NR5A2: variants seen among roughly 807,000 people sequenced by gnomAD.
The protein encoded by NR5A2 is CYP7A promoter-binding factor.
Under a neutral mutation model 62.7 loss-of-function variants are expected in NR5A2, and 26 were observed. That is an observed-to-expected ratio of 0.41 (90% CI 0.30 to 0.58). The LOEUF is 0.58. Among genes scored for constraint, NR5A2 ranks in the 20% least tolerant of loss-of-function variants. The probability of loss-of-function intolerance (pLI) is 0.22; values close to 1 mark genes in which losing one functional copy is unlikely to be tolerated. For synonymous variants in NR5A2, 246 were observed against 241.7 expected (o/e 1.02, Z -0.16); for missense variants, 541 against 669.1 (o/e 0.81, Z 2.11).
At position 200,038,664 on chromosome 1, in the gene NR5A2, A is replaced by AC. The variant is rs1286694063; in HGVS notation, c.65-991dup. The AC allele has an allele frequency of 2.2e-6, 3 of 1,344,156 alleles. 1 individual carries two copies. Among genetic ancestry groups the AC allele is most frequent in the Non-Finnish European group, 3.0e-6 (3 of 1,002,058 alleles). 83.3% of individuals were successfully genotyped at this position (1,344,156 alleles called of 1,614,324 possible). ...GACACACTAGCAAGGGCACACGCCCACCCGCGCCCCCATCCCTTCTTCTTG... is the reference window on the plus strand; with the variant it reads ...GACACACTAGCAAGGGCACACGCCCACCCCGCGCCCCCATCCCTTCTTCTTG... On this transcript the variant is annotated intron_variant, in intron 1 of 7. Transcript: ENST00000367362.
chr1:200,089,476 C>A (rs554751397), intron 5 of NR5A2, among the ~76,000 whole-genome samples: 4 of 149,210 alleles, frequency 2.7e-5, no homozygotes, highest in Non-Finnish European at 5.9e-5. Context: ...GTACAACTTT[C>A]TTTCTTTCTT....
chr1:200,079,464 G>A (rs945931078), intron 5 of NR5A2, among the ~76,000 whole-genome samples: 3 of 152,244 alleles, frequency 2.0e-5, no homozygotes, highest in Admixed American at 1.3e-4. Context: ...TGAAGGACAA[G>A]GGGAAACAGG....
In NR5A2 at chr1:200,115,301, A is replaced by AT. The variant is rs1211881657; in HGVS notation, c.1230+3985dup. ...TGTATCTTAAAAGAGGATTTTTCTC[A>AT]TTTTTCTAAATAAAATAACTCGCCT... On this transcript the variant is annotated intron_variant, in intron 6 of 7. Coordinates refer to ENST00000367362, the MANE Select transcript of NR5A2 (RefSeq NM_205860.3). Among the ~76,000 whole-genome samples, 4 of 152,214 alleles carry AT rather than the reference A, an allele frequency of 2.6e-5. No homozygotes were observed. The East Asian group carries it at 7.7e-4, about 29-fold the overall frequency.
At chr1:200,098,323 T>A (rs1400169820) in intron 5 of NR5A2, among the ~76,000 whole-genome samples, 2 of 152,176 alleles carry the variant, frequency 1.3e-5, no homozygotes, top group East Asian at 3.8e-4. Flanking sequence ...GTTCTATCAT[T>A]TGGTATCTAT....
chr1:200,105,215 C>T lies in NR5A2; in HGVS notation c.1111-5987C>T, dbSNP rs192914560. Among the ~76,000 whole-genome samples, 30 of 152,222 alleles carry T rather than the reference C, an allele frequency of 2.0e-4. No individual in the cohort carries two copies. In the East Asian group the frequency reaches 5.6e-3, roughly 28 times the overall value. On this transcript the variant is annotated intron_variant, in intron 5 of 7. Transcript: ENST00000367362. ...ATGCAAGTGATCCTCCTATCTCAGCCTCCCAAATTGTTGGGATTACAGGCA... is the reference window on the plus strand; with the variant it reads ...ATGCAAGTGATCCTCCTATCTCAGCTTCCCAAATTGTTGGGATTACAGGCA...
chr1:200,043,659 T>C lies in NR5A2; in HGVS notation c.203-115T>C, dbSNP rs1439154306. 3 of 600,158 alleles carry C rather than the reference T, an allele frequency of 5.0e-6. No individual in the cohort carries two copies. In the African/African-American group the frequency reaches 5.6e-5, roughly 11 times the overall value. The allele number at this position is 600,158 out of a possible 1,614,324, so 37.2% of individuals were successfully genotyped here. On this transcript the variant is annotated intron_variant, in intron 2 of 7. Coordinates refer to ENST00000367362, the MANE Select transcript of NR5A2 (RefSeq NM_205860.3). ...GACCTTGCTAAAAATTGTTTTTATTTTATATTTTACCATGTGATATTTGCC... is the reference window on the plus strand; with the variant it reads ...GACCTTGCTAAAAATTGTTTTTATTCTATATTTTACCATGTGATATTTGCC...
chr1:200,124,081 G>A (rs1666597988), intron 7 of NR5A2, among the ~76,000 whole-genome samples: 1 of 152,102 alleles, frequency 6.6e-6, no homozygotes, highest in Non-Finnish European at 1.5e-5. Context: ...TGGGATTACA[G>A]GTGTGAGCCA....
Position 200,048,038 on chromosome 1 carries a change from G to T in NR5A2, c.464-134G>T. ...GGACATGGTTTTTTGGGAAATCTTT[G>T]TGGGCTATTGTAACGAAAACAACCA... On this transcript the variant is annotated intron_variant, in intron 4 of 7. Transcript: ENST00000367362. The surrounding 1 kb of genome is among the most constrained non-coding windows in gnomAD (Gnocchi z 4.8). 1.3e-6 allele frequency: 1 copy of T among 756,812 alleles called. No homozygotes were observed. Among genetic ancestry groups the T allele is most frequent in the Non-Finnish European group, 2.1e-6 (1 of 480,090 alleles). The allele number at this position is 756,812 out of a possible 1,614,324, so 46.9% of individuals were successfully genotyped here.
intron 4 of NR5A2, among the ~76,000 whole-genome samples, chr1:200,046,912 G>T (rs1023453243): frequency 2.6e-5 from 4 of 151,852 alleles, no homozygotes; most frequent in African/African-American, 4.8e-5. Context: ...AATCACTTGT[G>T]GTACATGCTC....
intron 5 of NR5A2, among the ~76,000 whole-genome samples, chr1:200,109,919 G>A (rs182624297): frequency 1.3e-5 from 2 of 152,072 alleles, no homozygotes; most frequent in African/African-American, 4.8e-5. Flanking sequence ...TGTGCACAAC[G>A]ATGCCCAGCT....
chr1:200,055,477 C>T (rs1326704065), intron 5 of NR5A2, among the ~76,000 whole-genome samples: 1 of 152,108 alleles, frequency 6.6e-6, no homozygotes, highest in Non-Finnish European at 1.5e-5. Flanking sequence ...GCGTGAACCA[C>T]TGTGCCCAGC....
At chr1:200,125,068 C>G (rs1036410648) in intron 7 of NR5A2, among the ~76,000 whole-genome samples, 1 of 152,126 alleles carries the variant, frequency 6.6e-6, no homozygotes, top group Non-Finnish European at 1.5e-5. Flanking sequence ...ATAAATAACT[C>G]CTCAAAATTA....
At chr1:200,075,808 T>C (rs778575686) in intron 5 of NR5A2, among the ~76,000 whole-genome samples, 1 of 152,194 alleles carries the variant, frequency 6.6e-6, no homozygotes, top group African/African-American at 2.4e-5. Flanking sequence ...ACGAGCCTTA[T>C]ATCGCCAGGC....
rs1459620321 is a variant in NR5A2, at chr1:200,176,371, C to T, written c.*2161C>T. ...ACACATTAGGTAAGCTGGGCGTTGA[C>T]TCATGCGCAGTCTCAGTCACCCGTG... is the stretch of plus-strand genomic sequence containing the variant. On this transcript the variant is annotated 3_prime_UTR_variant, in exon 8 of 8. Coordinates refer to ENST00000367362, the MANE Select transcript of NR5A2 (RefSeq NM_205860.3). 2 of 152,612 alleles carry T rather than the reference C, an allele frequency of 1.3e-5. No homozygotes were observed. The highest frequency in any genetic ancestry group is 2.9e-5 in the Non-Finnish European group (2 of 68,054). 9.5% of individuals were successfully genotyped at this position (152,612 alleles called of 1,614,324 possible). A position where few individuals can be genotyped will look rare whatever the true frequency, so the allele number is the denominator to read the frequency against.
intron 1 of NR5A2, among the ~76,000 whole-genome samples, chr1:200,037,521 C>T (rs913037741): frequency 9.9e-5 from 15 of 152,200 alleles, no homozygotes; most frequent in African/African-American, 3.1e-4. Context: ...TCAAAGTTCA[C>T]GAGCAAAGCA....
intron 7 of NR5A2, among the ~76,000 whole-genome samples, chr1:200,161,182 G>C (rs1483612948): frequency 6.6e-6 from 1 of 151,948 alleles, no homozygotes; most frequent in Non-Finnish European, 1.5e-5. Context: ...GTATGTATTT[G>C]GCCTTATTGT....
intron 5 of NR5A2, among the ~76,000 whole-genome samples, chr1:200,082,515 A>G (rs1664343571): frequency 6.6e-6 from 1 of 152,196 alleles, no homozygotes; most frequent in African/African-American, 2.4e-5. Context: ...CATATGAGTC[A>G]AACCGAAAAA....
chr1:200,085,664 A>G (rs1664488396), intron 5 of NR5A2, among the ~76,000 whole-genome samples: 1 of 107,674 alleles, frequency 9.3e-6, no homozygotes, highest in Non-Finnish European at 1.9e-5. Flanking sequence ...ACCTATCTCA[A>G]AAAAAAAAAA....
chr1:200,121,718 C>A lies in NR5A2; in HGVS notation c.1378+763C>A, dbSNP rs757625039. Reference sequence around the variant, plus strand: ...AAAGCCAACTTAAATAAACTTTTTGCCAAGTCCATTTATTACTTATTGGCA... The same window carrying A: ...AAAGCCAACTTAAATAAACTTTTTGACAAGTCCATTTATTACTTATTGGCA... On this transcript the variant is annotated intron_variant, in intron 7 of 7. Transcript: ENST00000367362. Among the ~76,000 whole-genome samples the A allele has an allele frequency of 4.7e-4, 71 of 152,104 alleles. 1 individual carries two copies. Among genetic ancestry groups the A allele is most frequent in the Middle Eastern group, 6.3e-3 (2 of 316 alleles).
Sources: allele counts gnomAD v4.1 joint callset (sites outside exome capture counted in the v4.1 genomes callset), GRCh38; gene constraint gnomAD v4.1.1; non-coding constraint Gnocchi (gnomAD v3.1); transcripts MANE v1.5; gene names NCBI Gene and HGNC (gene_info 2026-07-23, HGNC 2026-07-21).